Variants in PPP2R5E observed in about 807,000 individuals in gnomAD.
PPP2R5E encodes the protein serine/threonine-protein phosphatase 2A 56 kDa regulatory subunit epsilon isoform.
Under a neutral mutation model 65.3 loss-of-function variants are expected in PPP2R5E, and 4 were observed. The ratio of observed to expected loss-of-function variants is 0.06; its 90% CI spans 0.03 to 0.14. PPP2R5E has a LOEUF of 0.14. PPP2R5E is among the 10% of genes least tolerant of loss of function. PPP2R5E has a pLI of 1.00. For missense variants in PPP2R5E, 274 were observed against 556.1 expected (o/e 0.49, Z 5.10); for synonymous variants, 183 against 187.4 (o/e 0.98, Z 0.19).
intron 3 of PPP2R5E, among the ~76,000 whole-genome samples, chr14:63,449,720 C>A: frequency 8.4e-6 from 1 of 119,084 alleles, no homozygotes; most frequent in African/African-American, 3.1e-5. Context: ...GCTACCCTCC[C>A]CCCACCCTAT....
In PPP2R5E at chr14:63,505,997, T is replaced by C. The variant is rs556104748; in HGVS notation, c.157+33532A>G. On this transcript the variant is annotated intron_variant, in intron 2 of 13. Coordinates refer to ENST00000337537, the MANE Select transcript of PPP2R5E (RefSeq NM_006246.5). ...TCAATAAAAGGTAGTGTTTCTTTCA[T>C]TCATTCTTTGACAAATATTTTCTGA... Among the ~76,000 whole-genome samples the C allele has an allele frequency of 3.4e-4, 52 of 152,316 alleles. No individual in the cohort carries two copies. In the South Asian group the frequency reaches 0.01, roughly 30 times the overall value.
At chr14:63,508,376 A>G (rs1185490527) in intron 2 of PPP2R5E, 1 of 244,718 alleles carries the variant, frequency 4.1e-6, no homozygotes, top group East Asian at 1.8e-4. Flanking sequence ...ACAATGGCAC[A>G]TAAAACTGTG....
chr14:63,469,735 G>A (rs1890023308), intron 2 of PPP2R5E, among the ~76,000 whole-genome samples: 1 of 152,112 alleles, frequency 6.6e-6, no homozygotes, highest in Middle Eastern at 3.2e-3. Flanking sequence ...GGACCAAGTT[G>A]AGAGACAGAA....
chr14:63,429,875 G>A (rs567090863), intron 3 of PPP2R5E, among the ~76,000 whole-genome samples: 2 of 152,034 alleles, frequency 1.3e-5, no homozygotes, highest in East Asian at 1.9e-4. Flanking sequence ...GTAGAGATGG[G>A]GTTTCACTAT....
At chr14:63,424,547 T>C (rs1046247751) in intron 3 of PPP2R5E, among the ~76,000 whole-genome samples, 11 of 152,038 alleles carry the variant, frequency 7.2e-5, no homozygotes, top group Non-Finnish European at 1.5e-4. Flanking sequence ...GTTAGGAGAT[T>C]GAGACCATCC....
At chr14:63,397,028 T>C (rs75991145) in intron 5 of PPP2R5E, among the ~76,000 whole-genome samples, 42 of 152,268 alleles carry the variant, frequency 2.8e-4, no homozygotes, top group Non-Finnish European at 3.5e-4. Context: ...ATCCTCCCAA[T>C]GAGATAGTTT....
intron 2 of PPP2R5E, among the ~76,000 whole-genome samples, chr14:63,523,171 A>G (rs1233997281): frequency 1.3e-5 from 2 of 150,156 alleles, no homozygotes; most frequent in African/African-American, 2.5e-5. Context: ...GGAGGTGAGG[A>G]GCCCCTCTGC....
intron 2 of PPP2R5E, among the ~76,000 whole-genome samples, chr14:63,466,431 T>C (rs1247799707): frequency 2.0e-5 from 3 of 151,928 alleles, no homozygotes; most frequent in Admixed American, 6.6e-5. Flanking sequence ...ATCCCAAGAG[T>C]AATAAAGAGT....
chr14:63,533,292 T>C lies in PPP2R5E; in HGVS notation c.157+6237A>G, dbSNP rs892725261. On this transcript the variant is annotated intron_variant, in intron 2 of 13. Transcript: ENST00000337537. Reference sequence around the variant, plus strand: ...AAGGCACGAAAACGGCCGGGCACGGTGGCTCACGCCTGTAATCCCAGCACT... The same window carrying C: ...AAGGCACGAAAACGGCCGGGCACGGCGGCTCACGCCTGTAATCCCAGCACT... Among the ~76,000 whole-genome samples the C allele has an allele frequency of 2.1e-4, 30 of 145,624 alleles. 1 individual carries two copies. The East Asian group carries it at 6.0e-3, about 29-fold the overall frequency.
chr14:63,534,867 A>C (rs578124549), intron 2 of PPP2R5E, among the ~76,000 whole-genome samples: 2 of 152,260 alleles, frequency 1.3e-5, no homozygotes, highest in Non-Finnish European at 2.9e-5. Flanking sequence ...CGAGCCTCCC[A>C]ACTCTGTCTC....
chr14:63,381,534 G>A (rs764707713), intron 13 of PPP2R5E, among the ~76,000 whole-genome samples: 7 of 22,766 alleles, frequency 3.1e-4, no homozygotes, highest in Admixed American at 1.3e-3. Flanking sequence ...GAAAGAAAGC[G>A]GGCTTTATCA....
At chr14:63,461,165 G>A (rs1383761371) in intron 2 of PPP2R5E, among the ~76,000 whole-genome samples, 4 of 152,146 alleles carry the variant, frequency 2.6e-5, no homozygotes, top group African/African-American at 9.7e-5. Flanking sequence ...TTTCCTAAGG[G>A]CTTATTTCCA....
intron 3 of PPP2R5E, among the ~76,000 whole-genome samples, chr14:63,428,434 T>A (rs1449172439): frequency 6.6e-6 from 1 of 152,240 alleles, no homozygotes; most frequent in Non-Finnish European, 1.5e-5. Flanking sequence ...TACTAAAAAA[T>A]TATTCACTAT....
At chr14:63,484,672 G>A (rs117096136) in intron 2 of PPP2R5E, among the ~76,000 whole-genome samples, 244 of 152,206 alleles carry the variant, frequency 1.6e-3, no homozygotes, top group Non-Finnish European at 3.1e-3. Flanking sequence ...AATTGGGAAG[G>A]CCAGACACAG....
At chr14:63,378,231 A>T (rs1272598684) in intron 13 of PPP2R5E, among the ~76,000 whole-genome samples, 1 of 152,228 alleles carries the variant, frequency 6.6e-6, no homozygotes, top group Non-Finnish European at 1.5e-5. Flanking sequence ...GATGGTAAGC[A>T]AGGGCTTGGA....
intron 5 of PPP2R5E, among the ~76,000 whole-genome samples, chr14:63,406,150 G>A (rs903877659): frequency 2.0e-5 from 3 of 152,036 alleles, no homozygotes; most frequent in Non-Finnish European, 2.9e-5. Context: ...AGTGACTCAC[G>A]CCTGTAATCC....
chr14:63,539,399 A>G, intron 2 of PPP2R5E, 130 bp downstream of exon 2: 1 of 962,494 alleles, frequency 1.0e-6, no homozygotes, highest in Non-Finnish European at 1.5e-6. Context: ...ACACATTAGT[A>G]ACTTCAATGT....
chr14:63,465,450 C>CAAAAAAAAAAAAAAAAA (rs1171345415), intron 2 of PPP2R5E, among the ~76,000 whole-genome samples: 6 of 47,378 alleles, frequency 1.3e-4, no homozygotes, highest in African/African-American at 4.6e-4. Flanking sequence ...TCCACCTCTA[C>CAAAAAAAAAAAAAAAAA]AAAAAAAAAA....
At chr14:63,419,282 T>C (rs1293479317) in intron 4 of PPP2R5E, among the ~76,000 whole-genome samples, 8 of 152,210 alleles carry the variant, frequency 5.3e-5, no homozygotes, top group African/African-American at 7.2e-5. Context: ...CCTCCTCCCG[T>C]CAGGTATTTA....
Sources: allele counts gnomAD v4.1 joint callset (sites outside exome capture counted in the v4.1 genomes callset), GRCh38; gene constraint gnomAD v4.1.1; transcripts MANE v1.5; gene names NCBI Gene and HGNC (gene_info 2026-07-23, HGNC 2026-07-21).